DDX60L: variants seen among roughly 807,000 people sequenced by gnomAD.
DDX60L encodes DExD/H-box 60 like.
DDX60L carries 191 observed loss-of-function variants against 211.6 expected under a neutral mutation model. That is an observed-to-expected ratio of 0.90 (90% CI 0.80 to 1.02). The LOEUF (loss-of-function observed/expected upper bound fraction) is 1.02, where lower values mean the gene tolerates loss of function less well. Ranked by LOEUF, DDX60L falls within the 50% of genes least tolerant of loss-of-function variation. DDX60L has a pLI of 0.00. For missense variants in DDX60L, 2,007 were observed against 1,984.1 expected, an observed-to-expected ratio of 1.01 and a Z score of -0.22; for synonymous variants, 706 against 694.1, an observed-to-expected ratio of 1.02 and a Z score of -0.27.
At chr4:168,407,218 A>G (rs542722405) in intron 22 of DDX60L, among the ~76,000 whole-genome samples, 2 of 152,228 alleles carry the variant, frequency 1.3e-5, no homozygotes, top group Non-Finnish European at 2.9e-5. Flanking sequence ...GATCAAGTTT[A>G]TAAGGGCAAA....
At chr4:168,472,666 A>G (rs1487928276) in intron 2 of DDX60L, 30 bp downstream of exon 2, 4 of 1,612,820 alleles carry the variant, frequency 2.5e-6, no homozygotes, top group Non-Finnish European at 2.5e-6. Flanking sequence ...GTTGCTTTAT[A>G]GGCTACAAAT....
intron 26 of DDX60L, among the ~76,000 whole-genome samples, chr4:168,397,305 T>C (rs1368821191): frequency 1.3e-5 from 2 of 152,240 alleles, no homozygotes; most frequent in Non-Finnish European, 2.9e-5. Context: ...GGCAATATGC[T>C]ATTACTGAGG....
intron 26 of DDX60L, 108 bp from the exon 27 acceptor site, chr4:168,396,232 G>A: frequency 1.6e-6 from 1 of 635,876 alleles, no homozygotes; most frequent in Non-Finnish European, 2.6e-6. Context: ...GACGTTGACA[G>A]TAGCTCCATC....
chr4:168,454,250 C>T (rs1317670716), intron 7 of DDX60L, among the ~76,000 whole-genome samples: 1 of 152,112 alleles, frequency 6.6e-6, no homozygotes, highest in Non-Finnish European at 1.5e-5. Context: ...TTCAAATTCA[C>T]AATTTTAGAG....
At chr4:168,422,803 T>A (rs1750849544) in intron 15 of DDX60L, 133 bp from the exon 16 acceptor site, 4 of 691,850 alleles carry the variant, frequency 5.8e-6, no homozygotes, top group Admixed American at 2.9e-5. Context: ...TGAGACAGGG[T>A]CTTTCTCTGT....
Position 168,419,407 on chromosome 4 carries a change from T to A in DDX60L, c.2515-10A>T. ...GCACTGTAATAAGTACCTACAAATA[T>A]GAATGATTAGTGTAGCTAACTTTAT... On this transcript the variant is annotated splice_polypyrimidine_tract_variant and intron_variant, in intron 18 of 37. Coordinates refer to ENST00000682922, the MANE Select transcript of DDX60L (RefSeq NM_001012967.3). 6.4e-7 allele frequency: 1 copy of A among 1,560,026 alleles called. No homozygotes were observed. The highest frequency in any genetic ancestry group is 8.7e-7 in the Non-Finnish European group (1 of 1,148,654).
rs531845948 is a variant in DDX60L, at chr4:168,373,756, G to A, written c.4686C>T (p.Ser1562=). The stretch of plus-strand genomic sequence containing the variant: ...AAATGGCTACTCTTCCTTTCTTGCA[G>A]CTCATCAAGTGAGACACGAGTTGGG... ...EDSQLVSHLM[S]CKKGRVAISP... The change falls in exon 35 of 38, where the codon AGC becomes AGT. Residue 1562 remains serine, a synonymous_variant. Coordinates refer to ENST00000682922, the MANE Select transcript of DDX60L (RefSeq NM_001012967.3). The A allele has an allele frequency of 6.8e-6, 11 of 1,613,994 alleles. No individual in the cohort carries two copies. The highest frequency in any genetic ancestry group is 1.3e-5 in the African/African-American group (1 of 75,032).
intron 11 of DDX60L, among the ~76,000 whole-genome samples, 168 bp downstream of exon 11, chr4:168,432,841 TA>T (rs900346129): frequency 1.7e-4 from 26 of 150,744 alleles, no homozygotes; most frequent in African/African-American, 6.1e-4. Flanking sequence ...AATGTTCAAA[TA>T]ATATTGACAT....
intron 7 of DDX60L, among the ~76,000 whole-genome samples, chr4:168,455,017 C>A (rs1756340067): frequency 6.6e-6 from 1 of 151,684 alleles, no homozygotes; most frequent in South Asian, 2.1e-4. Flanking sequence ...ATGTCTATTT[C>A]TTCTCTCTCT....
chr4:168,406,612 G>A lies in DDX60L; in HGVS notation c.3074C>T (p.Pro1025Leu). ...TATTTCTATATTTACCTGAGCCCTG[G>A]GCCAAGTTTCCCAGACTTGAGCCAT... ...DTMAQVWETWPRAQELCPEEF... is the reference protein window; with the variant it reads ...DTMAQVWETWLRAQELCPEEF... Residue 1025 changes from proline to leucine, a missense_variant, in exon 23 of 38, where the codon CCC (proline) becomes CTC (leucine). Coordinates refer to ENST00000682922, the MANE Select transcript of DDX60L (RefSeq NM_001012967.3). 1.3e-6 allele frequency: 2 copies of A among 1,594,140 alleles called. No homozygotes were observed. Among genetic ancestry groups the A allele is most frequent in the East Asian group, 2.3e-5 (1 of 44,312 alleles).
At position 168,423,868 on chromosome 4, in the gene DDX60L, G is replaced by A. The variant is rs530828514; in HGVS notation, c.1931-94C>T. The A allele has an allele frequency of 7.9e-6, 6 of 762,486 alleles. No individual in the cohort carries two copies. In the South Asian group the frequency reaches 1.3e-4, roughly 16 times the overall value. 47.2% of individuals were successfully genotyped at this position (762,486 alleles called of 1,614,324 possible). On this transcript the variant is annotated intron_variant, in intron 14 of 37. Transcript: ENST00000682922. ...CATTGAGTTAATCAATTAACCTCAT[G>A]TGATTAAACCTCACTATTTTACTTG...
chr4:168,387,132 A>G (rs1579304348), intron 29 of DDX60L, among the ~76,000 whole-genome samples: 1 of 152,234 alleles, frequency 6.6e-6, no homozygotes, highest in African/African-American at 2.4e-5. Flanking sequence ...CCTGTGGCTG[A>G]GGTGCTCAAA....
rs1210839223 is a variant in DDX60L, at chr4:168,421,634, G to C, written c.2394+126C>G. ...CGCGCCACTGCACTCCAGCCTGAGTGACAGAGCAAGACTCTGTCTCAAAAA... is the reference window on the plus strand; with the variant it reads ...CGCGCCACTGCACTCCAGCCTGAGTCACAGAGCAAGACTCTGTCTCAAAAA... On this transcript the variant is annotated intron_variant, in intron 17 of 37. Transcript: ENST00000682922. The C allele has an allele frequency of 3.0e-6, 4 of 1,320,174 alleles. No homozygotes were observed. The South Asian group carries it at 4.1e-5, about 13-fold the overall frequency. The allele number at this position is 1,320,174 out of a possible 1,614,324, so 81.8% of individuals were successfully genotyped here. A position where few individuals can be genotyped will look rare whatever the true frequency, so the allele number is the denominator to read the frequency against.
At chr4:168,477,282 GCA>G (rs1202106845) in intron 1 of DDX60L, among the ~76,000 whole-genome samples, 1 of 152,068 alleles carries the variant, frequency 6.6e-6, no homozygotes, top group Non-Finnish European at 1.5e-5. Context: ...GGGCGTGGTG[GCA>G]GGCGCCTGTA....
intron 35 of DDX60L, 131 bp downstream of exon 35, chr4:168,373,535 T>G: frequency 1.1e-6 from 1 of 935,140 alleles, no homozygotes; most frequent in Non-Finnish European, 1.6e-6. Context: ...CTTCATTCTC[T>G]TAGACAATGA....
In DDX60L at chr4:168,400,839, T is replaced by A. The variant is rs759045582; in HGVS notation, c.3478A>T (p.Thr1160Ser). ...ATTAATACTTACATCCTTTTCTGTGTCTTCCTCACTTTTTCAAGTACTTCA... is the reference window on the plus strand; with the variant it reads ...ATTAATACTTACATCCTTTTCTGTGACTTCCTCACTTTTTCAAGTACTTCA... ...IDEVLEKVRKTQKRITKKNPK... is the reference protein window; with the variant it reads ...IDEVLEKVRKSQKRITKKNPK... Residue 1160 changes from threonine (T) to serine (S), a missense_variant, in exon 26 of 38, where the codon ACA (threonine) becomes TCA (serine). Coordinates refer to ENST00000682922, the MANE Select transcript of DDX60L (RefSeq NM_001012967.3). The A allele has an allele frequency of 9.3e-6, 15 of 1,611,516 alleles. No homozygotes were observed. In the South Asian group the frequency reaches 1.6e-4, roughly 17 times the overall value.
At chr4:168,417,983 T>C (rs2006687) in intron 19 of DDX60L, among the ~76,000 whole-genome samples, 24,465 of 152,248 alleles carry the variant, frequency 0.16, 2,323 homozygotes, top group Non-Finnish European at 0.19. Flanking sequence ...GCAATTTCTC[T>C]GAACTTTCTA....
intron 28 of DDX60L, among the ~76,000 whole-genome samples, chr4:168,393,176 T>C (rs4692656): frequency 0.52 from 79,168 of 152,030 alleles, 21,335 homozygotes; most frequent in East Asian, 0.62. Flanking sequence ...TTATTTATGA[T>C]ATCTAATACT....
chr4:168,417,072 A>G (rs1046782920), intron 19 of DDX60L, among the ~76,000 whole-genome samples: 3 of 152,156 alleles, frequency 2.0e-5, no homozygotes, highest in Non-Finnish European at 4.4e-5. Flanking sequence ...TGAAGCCACC[A>G]TCACCTGGCT....
Sources: allele counts gnomAD v4.1 joint callset (sites outside exome capture counted in the v4.1 genomes callset), GRCh38; gene constraint gnomAD v4.1.1; transcripts MANE v1.5; gene names NCBI Gene and HGNC (gene_info 2026-07-23, HGNC 2026-07-21).